The following MPHOSPH6 variants were observed in gnomAD, a reference collection of about 807,000 sequenced individuals.
MPHOSPH6 encodes M-phase phosphoprotein 6.
MPHOSPH6 carries 25 observed loss-of-function variants against 21.8 expected under a neutral mutation model. That is an observed-to-expected ratio of 1.15 (90% CI 0.83 to 1.60). The LOEUF is 1.60. Among genes scored for constraint, MPHOSPH6 ranks in the 40% most tolerant of loss-of-function variants. MPHOSPH6 has a pLI of 0.00. For synonymous variants in MPHOSPH6, 84 were observed against 56.5 expected (o/e 1.49, Z -2.18); for missense variants, 269 against 181.8 (o/e 1.48, Z -2.76).
intron 1 of MPHOSPH6, 42 bp downstream of exon 1, chr16:82,170,083 G>A: frequency 1.9e-6 from 3 of 1,567,484 alleles, no homozygotes; most frequent in Non-Finnish European, 2.6e-6. Flanking sequence ...GAAGGACCGG[G>A]TGCCCCTACC....
intron 4 of MPHOSPH6, 114 bp from the exon 5 acceptor site, chr16:82,148,977 A>C: frequency 7.6e-7 from 1 of 1,309,018 alleles, no homozygotes; most frequent in Non-Finnish European, 1.1e-6. Context: ...AAAGAAAACT[A>C]TCATTAAAAG....
intron 1 of MPHOSPH6, among the ~76,000 whole-genome samples, chr16:82,167,147 G>T (rs1020488336): frequency 7.2e-5 from 11 of 152,150 alleles, no homozygotes; most frequent in African/African-American, 2.7e-4. Context: ...TTTATCATAT[G>T]GTCCTTTACA....
chr16:82,158,169 G>T (rs1361673744), intron 2 of MPHOSPH6, among the ~76,000 whole-genome samples: 1 of 151,850 alleles, frequency 6.6e-6, no homozygotes. Flanking sequence ...AAAATATTCG[G>T]TATACGAAAT....
chr16:82,149,406 G>A lies in MPHOSPH6; in HGVS notation c.256-3C>T, dbSNP rs763102900. On this transcript the variant is annotated splice_region_variant and splice_polypyrimidine_tract_variant and intron_variant, in intron 3 of 4. Transcript: ENST00000258169. ...GCATTCATCTGAAGCATCAATTTCT[G>A]AAAAATACACCAGTGCTGACCTTCA... is the stretch of plus-strand genomic sequence containing the variant. The A allele has an allele frequency of 7.4e-6, 12 of 1,610,834 alleles. No homozygotes were observed. In the South Asian group the frequency reaches 1.3e-4, roughly 18 times the overall value.
chr16:82,162,837 C>T (rs1906649156), intron 2 of MPHOSPH6, among the ~76,000 whole-genome samples: 1 of 152,190 alleles, frequency 6.6e-6, no homozygotes, highest in African/African-American at 2.4e-5. Context: ...AGGTCATTTT[C>T]TGGGAATAAT....
intron 3 of MPHOSPH6, among the ~76,000 whole-genome samples, chr16:82,150,547 A>G (rs1266734624): frequency 6.6e-6 from 1 of 152,230 alleles, no homozygotes; most frequent in Non-Finnish European, 1.5e-5. Flanking sequence ...TGGCTCCTAG[A>G]GAAGTGGTTC....
rs752866372 is a variant in MPHOSPH6, at chr16:82,149,312, C to T, written c.347G>A (p.Arg116Lys). Residue 116 changes from arginine to lysine, a missense_variant, in exon 4 of 5, where the codon AGA becomes AAA. Physicochemically the swap from Arg to Lys is conservative, Grantham distance 26. Coordinates refer to ENST00000258169, the MANE Select transcript of MPHOSPH6 (RefSeq NM_005792.2). ...GGCTGCTGCGCAGCACGGTTACCTT[C>T]TAGCCATCTCTTCATCTGACACATC... ...ELDVSDEEMA[R>K]RYETLVGTIG... 2 of 1,613,144 alleles carry T rather than the reference C, an allele frequency of 1.2e-6. No homozygotes were observed. Among genetic ancestry groups the T allele is most frequent in the Non-Finnish European group, 1.7e-6 (2 of 1,179,968 alleles).
chr16:82,159,592 G>A (rs1162656418), intron 2 of MPHOSPH6, among the ~76,000 whole-genome samples: 1 of 152,122 alleles, frequency 6.6e-6, no homozygotes, highest in African/African-American at 2.4e-5. Context: ...ATTTTTAGTA[G>A]AGACGGGGTT....
At position 82,152,997 on chromosome 16, in the gene MPHOSPH6, G is replaced by A. The variant is rs1305260403; in HGVS notation, c.165-1483C>T. ...AGAGCCTCAGCTGGGCACAGTGGCG[G>A]ATGCCTGTAGTCCCAGTTACTCAGG... On this transcript the variant is annotated intron_variant, in intron 2 of 4. Transcript: ENST00000258169. Among the ~76,000 whole-genome samples the A allele has an allele frequency of 3.9e-5, 6 of 152,284 alleles. No homozygotes were observed. The East Asian group carries it at 5.8e-4, about 15-fold the overall frequency.
Position 82,170,223 on chromosome 16 carries a change from A to C in MPHOSPH6, c.-48T>G. The C allele has an allele frequency of 6.4e-7, 1 of 1,551,900 alleles. No individual in the cohort carries two copies. Among genetic ancestry groups the C allele is most frequent in the Admixed American group, 1.9e-5 (1 of 51,556 alleles). ...ACTCCGGCCGCGAGCCTCACCGCAC[A>C]TGCGCGGAGCCGCGTGCGCAGCTGC... On this transcript the variant is annotated 5_prime_UTR_variant, in exon 1 of 5. An upstream start codon of the reference 5' UTR is lost. Transcript: ENST00000258169.
At position 82,170,196 on chromosome 16, in the gene MPHOSPH6, G is replaced by T. The variant is rs148602800; in HGVS notation, c.-21C>A. ...GCCATGGTAGCTTCCGCCCAGCGCC[G>T]CACTCCGGCCGCGAGCCTCACCGCA... is the stretch of plus-strand genomic sequence containing the variant. On this transcript the variant is annotated 5_prime_UTR_variant, in exon 1 of 5. Coordinates refer to ENST00000258169, the MANE Select transcript of MPHOSPH6 (RefSeq NM_005792.2). 0.011 allele frequency: 17,265 copies of T among 1,564,144 alleles called. 128 individuals carry two copies. The highest frequency in any genetic ancestry group is 0.013 in the Non-Finnish European group (15,250 of 1,157,986).
At chr16:82,161,526 A>G (rs1054295591) in intron 2 of MPHOSPH6, among the ~76,000 whole-genome samples, 10 of 152,250 alleles carry the variant, frequency 6.6e-5, no homozygotes, top group African/African-American at 2.4e-4. Flanking sequence ...AAGGCAATAG[A>G]TAGCAAAATC....
intron 1 of MPHOSPH6, among the ~76,000 whole-genome samples, chr16:82,165,364 T>A (rs894228495): frequency 6.6e-6 from 1 of 151,892 alleles, no homozygotes; most frequent in Non-Finnish European, 1.5e-5. Context: ...GACTTTGTGA[T>A]CCACCCGCCT....
At chr16:82,161,363 A>T (rs949951933) in intron 2 of MPHOSPH6, among the ~76,000 whole-genome samples, 2 of 152,220 alleles carry the variant, frequency 1.3e-5, no homozygotes, top group Non-Finnish European at 2.9e-5. Flanking sequence ...TCAGGTCCCT[A>T]TAGCTTCTGA....
In MPHOSPH6 at chr16:82,148,560, G is replaced by T. The variant is rs1462581861; in HGVS notation, c.*171C>A. The T allele has an allele frequency of 2.5e-6, 2 of 786,320 alleles. No homozygotes were observed. Among genetic ancestry groups the T allele is most frequent in the Non-Finnish European group, 3.7e-6 (2 of 534,890 alleles). 48.7% of individuals were successfully genotyped at this position (786,320 alleles called of 1,614,324 possible). A position where few individuals can be genotyped will look rare whatever the true frequency, so the allele number is the denominator to read the frequency against. On this transcript the variant is annotated 3_prime_UTR_variant, in exon 5 of 5. Coordinates refer to ENST00000258169, the MANE Select transcript of MPHOSPH6 (RefSeq NM_005792.2). ...GAATGAATACCAAGAAGCAAAGGAT[G>T]TACAACATCCATCACACATCTGTTT...
At chr16:82,158,676 T>A (rs934973355) in intron 2 of MPHOSPH6, among the ~76,000 whole-genome samples, 1 of 152,146 alleles carries the variant, frequency 6.6e-6, no homozygotes, top group Non-Finnish European at 1.5e-5. Flanking sequence ...AAAGTGAACC[T>A]GACACTTCAA....
At chr16:82,159,434 T>C (rs1906535882) in intron 2 of MPHOSPH6, among the ~76,000 whole-genome samples, 1 of 152,146 alleles carries the variant, frequency 6.6e-6, no homozygotes, top group Non-Finnish European at 1.5e-5. Flanking sequence ...AGATGGAGTC[T>C]CATTCTGTTG....
chr16:82,149,673 A>G (rs920035141), intron 3 of MPHOSPH6, among the ~76,000 whole-genome samples: 2 of 152,238 alleles, frequency 1.3e-5, no homozygotes, highest in African/African-American at 4.8e-5. Context: ...TTAGTTACTC[A>G]TATTTAAAGC....
At chr16:82,170,046 C>T (rs1906920593) in intron 1 of MPHOSPH6, 79 bp downstream of exon 1, 2 of 1,485,636 alleles carry the variant, frequency 1.3e-6, no homozygotes, top group Non-Finnish European at 1.8e-6. Context: ...CCCTTGTCCG[C>T]CCGCCGCCTC....
Sources: gnomAD v4.1 joint callset for allele counts (sites outside exome capture counted in the v4.1 genomes callset) on GRCh38, gnomAD v4.1.1 for gene constraint, MANE v1.5 for transcripts, NCBI Gene and HGNC (gene_info 2026-07-23, HGNC 2026-07-21) for gene names.